The following NRXN3 variants were observed in gnomAD, a reference collection of about 807,000 sequenced individuals.
NRXN3 encodes the protein neurexin III.
In NRXN3, 32 loss-of-function variants were observed where a neutral mutation model predicts 137.6. The observed-to-expected ratio is 0.23, with a 90% CI of 0.18 to 0.31. The LOEUF (loss-of-function observed/expected upper bound fraction) is 0.31. Ranked by LOEUF, NRXN3 falls within the 10% of genes least tolerant of loss-of-function variation. The pLI is 1.00. For missense variants in NRXN3, 1,574 were observed against 2,062.5 expected, an observed-to-expected ratio of 0.76 and a Z score of 4.59; for synonymous variants, 798 against 784.5, an observed-to-expected ratio of 1.02 and a Z score of -0.29.
chr14:79,750,728 C>G (rs2098994698), intron 19 of NRXN3, among the ~76,000 whole-genome samples: 1 of 152,136 alleles, frequency 6.6e-6, no homozygotes, highest in Non-Finnish European at 1.5e-5. Context: ...TCCGCAAAGT[C>G]AGGGTCCTAA....
At chr14:79,541,336 G>A (rs1482414916) in intron 16 of NRXN3, among the ~76,000 whole-genome samples, 5 of 152,152 alleles carry the variant, frequency 3.3e-5, no homozygotes, top group South Asian at 2.1e-4. Context: ...CCCAGGAGGC[G>A]GAGGTTGCAG....
intron 15 of NRXN3, among the ~76,000 whole-genome samples, chr14:79,260,561 G>A (rs377204069): frequency 1.3e-5 from 2 of 152,090 alleles, no homozygotes; most frequent in Admixed American, 1.3e-4. Flanking sequence ...ATCTGGTGCT[G>A]TTCTGCACTT....
chr14:79,484,335 G>C (rs1489994765), intron 16 of NRXN3, among the ~76,000 whole-genome samples: 2 of 152,002 alleles, frequency 1.3e-5, no homozygotes, highest in African/African-American at 4.8e-5. Context: ...TAGAGTACAG[G>C]GTGCTTCTTG....
intron 4 of NRXN3, among the ~76,000 whole-genome samples, chr14:78,360,222 C>T (rs1195072138): frequency 2.0e-5 from 3 of 152,104 alleles, no homozygotes; most frequent in Non-Finnish European, 4.4e-5. Context: ...ATGACTTTTC[C>T]ACCTTCTTAA....
intron 4 of NRXN3, among the ~76,000 whole-genome samples, chr14:78,418,275 G>A (rs1300650001): frequency 6.6e-6 from 1 of 152,294 alleles, no homozygotes; most frequent in South Asian, 2.1e-4. Flanking sequence ...GGGCTTTTGT[G>A]TGTTAGAAAT....
At chr14:79,837,522 C>T (rs1318725076) in intron 20 of NRXN3, among the ~76,000 whole-genome samples, 1 of 152,156 alleles carries the variant, frequency 6.6e-6, no homozygotes, top group Non-Finnish European at 1.5e-5. Context: ...TCCACTTTTA[C>T]TTATCTCCTT....
At position 79,862,217 on chromosome 14, in the gene NRXN3, C is replaced by A; in HGVS notation, c.*253C>A. On this transcript the variant is annotated 3_prime_UTR_variant, in exon 21 of 21. Coordinates refer to ENST00000335750, the MANE Select transcript of NRXN3 (RefSeq NM_001330195.2). ...GGGAGACAGAAGGTTTTGTGCCCTG[C>A]TGTATCATAAAGCACACACTTAGCG... 2.3e-6 allele frequency: 1 copy of A among 443,208 alleles called. No homozygotes were observed. Among genetic ancestry groups the A allele is most frequent in the Non-Finnish European group, 4.1e-6 (1 of 243,192 alleles). 27.5% of individuals were successfully genotyped at this position (443,208 alleles called of 1,614,324 possible).
intron 10 of NRXN3, among the ~76,000 whole-genome samples, chr14:78,869,894 A>G (rs534593956): frequency 1.8e-4 from 28 of 152,322 alleles, no homozygotes; most frequent in African/African-American, 6.5e-4. Context: ...GAATGGGCTC[A>G]ACTCTGTATA....
chr14:79,472,010 A>ATTTGGG (rs2096516105), intron 16 of NRXN3, among the ~76,000 whole-genome samples: 1 of 151,980 alleles, frequency 6.6e-6, no homozygotes, highest in African/African-American at 2.4e-5. Flanking sequence ...CACCCTCCCA[A>ATTTGGG]AGGCCCAGTG....
chr14:78,218,132 G>A (rs1243219920), intron 1 of NRXN3, among the ~76,000 whole-genome samples: 1 of 151,900 alleles, frequency 6.6e-6, no homozygotes, highest in Non-Finnish European at 1.5e-5. Context: ...TTATAAAAAG[G>A]CCTTTATTTG....
chr14:78,954,752 A>G (rs1469071393), intron 10 of NRXN3, among the ~76,000 whole-genome samples: 1 of 147,462 alleles, frequency 6.8e-6, no homozygotes, highest in Non-Finnish European at 1.5e-5. Context: ...GGCGTGAGCC[A>G]CTGCACCTGG....
intron 4 of NRXN3, among the ~76,000 whole-genome samples, chr14:78,567,425 G>T (rs189689946): frequency 1.2e-4 from 18 of 152,138 alleles, no homozygotes; most frequent in Admixed American, 5.2e-4. Context: ...CTGTGGGGTC[G>T]CCCTGCTCCA....
intron 15 of NRXN3, among the ~76,000 whole-genome samples, chr14:79,151,531 A>G (rs1596514870): frequency 6.6e-6 from 1 of 152,044 alleles, no homozygotes; most frequent in Non-Finnish European, 1.5e-5. Context: ...CATGATCCAC[A>G]TGGTCCTTGG....
At chr14:79,527,771 TG>T (rs1435588642) in intron 16 of NRXN3, among the ~76,000 whole-genome samples, 1 of 149,928 alleles carries the variant, frequency 6.7e-6, no homozygotes. Context: ...CTTGGGAGGT[TG>T]AGGCAGGAGA....
At chr14:79,643,488 G>T (rs2098441470) in intron 16 of NRXN3, among the ~76,000 whole-genome samples, 1 of 134,596 alleles carries the variant, frequency 7.4e-6, no homozygotes, top group South Asian at 2.3e-4. Context: ...TAAGATTTTG[G>T]GTTTTTTTTC....
At chr14:79,184,652 A>G (rs2063308922) in intron 15 of NRXN3, among the ~76,000 whole-genome samples, 2 of 152,212 alleles carry the variant, frequency 1.3e-5, no homozygotes, top group Admixed American at 6.5e-5. Flanking sequence ...AAGTCTCACT[A>G]CTGAGGCGAG....
chr14:79,613,543 G>C (rs2098125493), intron 16 of NRXN3, among the ~76,000 whole-genome samples: 2 of 152,148 alleles, frequency 1.3e-5, no homozygotes, highest in African/African-American at 4.8e-5. Context: ...ACTCACATTA[G>C]CATTAGGTTC....
intron 19 of NRXN3, among the ~76,000 whole-genome samples, chr14:79,712,865 G>C (rs527861809): frequency 1.2e-3 from 181 of 152,252 alleles, no homozygotes; most frequent in African/African-American, 4.2e-3. Flanking sequence ...CCTGGGCCCT[G>C]CTCCTGTATT....
chr14:78,419,141 A>G (rs184323815), intron 4 of NRXN3, among the ~76,000 whole-genome samples: 2 of 152,362 alleles, frequency 1.3e-5, no homozygotes, highest in Admixed American at 1.3e-4. Context: ...TTAGAGATTC[A>G]GTAACATGTC....
Sources: allele counts gnomAD v4.1 joint callset (sites outside exome capture counted in the v4.1 genomes callset), GRCh38; gene constraint gnomAD v4.1.1; transcripts MANE v1.5; gene names NCBI Gene and HGNC (gene_info 2026-07-23, HGNC 2026-07-21).